Variants in SPTBN4 observed in about 807,000 individuals in gnomAD.
The protein encoded by SPTBN4 is spectrin beta, non-erythrocytic 4.
In SPTBN4, 96 loss-of-function variants were observed where a neutral mutation model predicts 277.8. The observed-to-expected ratio is 0.35, with a 90% CI of 0.29 to 0.41. SPTBN4 has a LOEUF of 0.41. Ranked by LOEUF, SPTBN4 falls within the 10% of genes least tolerant of loss-of-function variation. The pLI, the probability that SPTBN4 is intolerant of heterozygous loss-of-function variation, is 1.00. For missense variants in SPTBN4, 3,006 were observed against 3,595.7 expected (o/e 0.84, Z 4.19); for synonymous variants, 1,481 against 1,580.3 (o/e 0.94, Z 1.49).
chr19:40,561,516 T>C (rs1034159915), intron 27 of SPTBN4, among the ~76,000 whole-genome samples: 2 of 152,180 alleles, frequency 1.3e-5, no homozygotes, highest in East Asian at 1.9e-4. Context: ...ATAGCACTTA[T>C]TACTTTCTGA....
intron 2 of SPTBN4, among the ~76,000 whole-genome samples, chr19:40,485,993 AC>A (rs2080067969): frequency 6.6e-6 from 1 of 151,442 alleles, no homozygotes; most frequent in Non-Finnish European, 1.5e-5. Flanking sequence ...AAAAAAAAAA[AC>A]AGTAGAGGGA....
At position 40,513,010 on chromosome 19, in the gene SPTBN4, C is replaced by T. The variant is rs772246375; in HGVS notation, c.2221C>T (p.Leu741=). 1.4e-6 allele frequency: 2 copies of T among 1,431,454 alleles called. No individual in the cohort carries two copies. The highest frequency in any genetic ancestry group is 1.5e-5 in the African/African-American group (1 of 66,552). 88.7% of individuals were successfully genotyped at this position (1,431,454 alleles called of 1,614,324 possible). The change falls in exon 14 of 36, where the codon CTG becomes TTG. Residue 741 remains leucine, a synonymous_variant. Coordinates refer to ENST00000598249, the MANE Select transcript of SPTBN4 (RefSeq NM_020971.3). ...AVGPGADTVH[L]VGLAERAASA... ...CGGCCCGGGAGCAGACACCGTGCAC[C>T]TGGTAGGCCTGGCGGAGCGCGCGGC...
In SPTBN4 at chr19:40,506,394, T is replaced by C. The variant is rs781219992; in HGVS notation, c.1816+8T>C. 5.6e-6 allele frequency: 9 copies of C among 1,608,910 alleles called. No homozygotes were observed. In the South Asian group the frequency reaches 1.0e-4, roughly 18 times the overall value. ...GCTTCTCCCAGCTGCAGGGTGAGTC[T>C]TGGGGCTGGGGCTGGGGCTATGGGT... On this transcript the variant is annotated splice_region_variant and intron_variant, in intron 13 of 35. Coordinates refer to ENST00000598249, the MANE Select transcript of SPTBN4 (RefSeq NM_020971.3).
At chr19:40,522,918 G>A (rs185483006) in intron 16 of SPTBN4, among the ~76,000 whole-genome samples, 19 of 151,970 alleles carry the variant, frequency 1.3e-4, no homozygotes, top group South Asian at 4.1e-4. Context: ...GATTACCTGC[G>A]GTCAGGAGTT....
At chr19:40,486,991 C>T (rs2080079296) in intron 2 of SPTBN4, among the ~76,000 whole-genome samples, 2 of 150,546 alleles carry the variant, frequency 1.3e-5, no homozygotes, top group African/African-American at 2.5e-5. Context: ...GGCAGAGGGT[C>T]GGGGAAGGCG....
intron 20 of SPTBN4, among the ~76,000 whole-genome samples, chr19:40,536,472 C>T (rs1198884125): frequency 6.6e-6 from 1 of 151,972 alleles, no homozygotes; most frequent in African/African-American, 2.4e-5. Flanking sequence ...CCTTGGCCTC[C>T]CAAAGTACTA....
At position 40,512,635 on chromosome 19, in the gene SPTBN4, T is replaced by G. The variant is rs2080403200; in HGVS notation, c.1846T>G (p.Cys616Gly). 1 of 1,541,074 alleles carries G rather than the reference T, an allele frequency of 6.5e-7. No homozygotes were observed. Among genetic ancestry groups the G allele is most frequent in the Admixed American group, 1.9e-5 (1 of 52,836 alleles). The change falls in exon 14 of 36, where the codon TGC becomes GGC. Residue 616 changes from cysteine to glycine, a missense_variant. Physicochemically the swap from Cys to Gly is radical, Grantham distance 159 (BLOSUM62 -3). Coordinates refer to ENST00000598249, the MANE Select transcript of SPTBN4 (RefSeq NM_020971.3). The part of the protein sequence containing the change: ...GYQPCDPQVI[C>G]NRVNHVHGCL... The stretch of plus-strand genomic sequence containing the variant: ...CCAGCCCTGCGACCCGCAGGTCATC[T>G]GCAACCGCGTGAACCACGTGCACGG...
rs911049722 is a variant in SPTBN4, at chr19:40,576,063, CTCTG to C, written c.*499_*502del. On this transcript the variant is annotated 3_prime_UTR_variant, in exon 36 of 36. Transcript: ENST00000598249. ...ACCTCACTTCCAATGCTGCCTTGATCTCTGTCTGGGAGGGGGGAGTGAAGGGGCC... is the reference window on the plus strand; with the variant it reads ...ACCTCACTTCCAATGCTGCCTTGATCTCTGGGAGGGGGGAGTGAAGGGGCC... 3.3e-5 allele frequency: 5 copies of C among 153,242 alleles called. No individual in the cohort carries two copies. Among genetic ancestry groups the C allele is most frequent in the Non-Finnish European group, 7.3e-5 (5 of 68,404 alleles). The allele number at this position is 153,242 out of a possible 1,614,324, so 9.5% of individuals were successfully genotyped here.
At chr19:40,475,995 G>A (rs549473532) in intron 2 of SPTBN4, among the ~76,000 whole-genome samples, 12 of 150,816 alleles carry the variant, frequency 8.0e-5, no homozygotes, top group South Asian at 4.2e-4. Flanking sequence ...GCAGTGAGCC[G>A]AGATTGTGCC....
At chr19:40,523,999 C>T (rs1400013422) in intron 17 of SPTBN4, among the ~76,000 whole-genome samples, 1 of 152,082 alleles carries the variant, frequency 6.6e-6, no homozygotes, top group Non-Finnish European at 1.5e-5. Context: ...GACACGGTTT[C>T]ACCATGTTGG....
Position 40,567,830 on chromosome 19 carries a change from C to G in SPTBN4, c.6504C>G (p.Leu2168=). 6.6e-7 allele frequency: 1 copy of G among 1,521,946 alleles called. No individual in the cohort carries two copies. The highest frequency in any genetic ancestry group is 8.8e-7 in the Non-Finnish European group (1 of 1,133,856). The allele number at this position is 1,521,946 out of a possible 1,614,324, so 94.3% of individuals were successfully genotyped here. ...TGGCCCGCCGAGCCTCGGACACGCT[C>G]TCGGCCGAGGTGCGGACTCGGGTGG... is the stretch of plus-strand genomic sequence containing the variant. The part of the protein sequence containing the change: ...EPLARRASDT[L]SAEVRTRVGY... Residue 2168 remains leucine (L), a synonymous_variant, in exon 31 of 36, where the codon CTC becomes CTG. Transcript: ENST00000598249.
chr19:40,570,676 G>A lies in SPTBN4; in HGVS notation c.7267G>A (p.Gly2423Ser). The A allele has an allele frequency of 6.2e-7, 1 of 1,605,290 alleles. No homozygotes were observed. Among genetic ancestry groups the A allele is most frequent in the Non-Finnish European group, 8.5e-7 (1 of 1,176,776 alleles). The change falls in exon 33 of 36, where the codon GGC becomes AGC. Residue 2423 changes from glycine to serine, a missense_variant. Coordinates refer to ENST00000598249, the MANE Select transcript of SPTBN4 (RefSeq NM_020971.3). Reference protein sequence around the residue: ...PPPTHTVQHEGFLLRKRELDA... With the variant: ...PPPTHTVQHESFLLRKRELDA... ...GCCCACTCACACAGTGCAGCACGAG[G>A]GCTTCCTACTGCGCAAGCGCGAGCT...
intron 2 of SPTBN4, among the ~76,000 whole-genome samples, chr19:40,482,852 T>C (rs1232944713): frequency 6.6e-6 from 1 of 151,824 alleles, no homozygotes; most frequent in African/African-American, 2.4e-5. Flanking sequence ...TCCCAGCTAC[T>C]CGGGAGGCTG....
intron 20 of SPTBN4, among the ~76,000 whole-genome samples, chr19:40,536,297 T>C (rs890479599): frequency 6.6e-6 from 1 of 151,726 alleles, no homozygotes; most frequent in Non-Finnish European, 1.5e-5. Flanking sequence ...CACTGCAACC[T>C]CTACCTCCCA....
intron 33 of SPTBN4, chr19:40,571,810 G>A (rs2081157901): frequency 4.1e-6 from 2 of 482,166 alleles, no homozygotes; most frequent in East Asian, 3.1e-5. Flanking sequence ...CTCAGCCTGG[G>A]CAAAGGCTTG....
rs115090368 is a variant in SPTBN4 at position 40,504,752 on chromosome 19, G to A, written c.1665+620G>A. Among the ~76,000 whole-genome samples the A allele has an allele frequency of 3.7e-3, 565 of 152,192 alleles. 3 individuals carry two copies. The highest frequency in any genetic ancestry group is 0.013 in the African/African-American group (547 of 41,526). ...AGTCCTAGCTATTTGGGAGGCTGAG[G>A]CTCAAGAATTGCTTGAATCCAGGAG... On this transcript the variant is annotated intron_variant, in intron 12 of 35. Coordinates refer to ENST00000598249, the MANE Select transcript of SPTBN4 (RefSeq NM_020971.3).
intron 2 of SPTBN4, among the ~76,000 whole-genome samples, chr19:40,486,626 G>GCTTC (rs2080075379): frequency 1.3e-5 from 2 of 152,042 alleles, no homozygotes; most frequent in African/African-American, 4.8e-5. Context: ...ACCCGCCTTG[G>GCTTC]CTTCCCAAAG....
At chr19:40,540,344 A>AT (rs1267242574) in intron 20 of SPTBN4, among the ~76,000 whole-genome samples, 16 of 151,768 alleles carry the variant, frequency 1.1e-4, no homozygotes, top group Non-Finnish European at 1.0e-4. Flanking sequence ...CGGTTACTTC[A>AT]TTTGTTTTTG....
At chr19:40,556,880 A>G (rs1231826216) in intron 25 of SPTBN4, 143 bp from the exon 26 acceptor site, 7 of 1,048,702 alleles carry the variant, frequency 6.7e-6, no homozygotes, top group African/African-American at 1.7e-5. Context: ...GTAAGTGGCT[A>G]TTGAACCACT....
Sources: allele counts gnomAD v4.1 joint callset (sites outside exome capture counted in the v4.1 genomes callset), GRCh38; gene constraint gnomAD v4.1.1; transcripts MANE v1.5; gene names NCBI Gene and HGNC (gene_info 2026-07-23, HGNC 2026-07-21).